ABL2: variants seen among roughly 807,000 people sequenced by gnomAD.
ABL2 encodes tyrosine-protein kinase ABL2.
A neutral mutation model predicts 107.7 loss-of-function variants in ABL2; 49 were observed. That is an observed-to-expected ratio of 0.45 (90% confidence interval 0.36 to 0.58). ABL2 has a LOEUF of 0.58. Ranked by LOEUF, ABL2 falls within the 20% of genes least tolerant of loss-of-function variation. ABL2 has a pLI of 0.00. For missense variants in ABL2, 1,245 were observed against 1,457.0 expected (o/e 0.85, Z 2.37); for synonymous variants, 549 against 548.6 (o/e 1.00, Z -0.01).
intron 1 of ABL2, among the ~76,000 whole-genome samples, chr1:179,201,200 C>T (rs903623560): frequency 6.6e-6 from 1 of 152,164 alleles, no homozygotes; most frequent in Admixed American, 6.5e-5. Context: ...TATGTTAATT[C>T]TTTCTGCACA....
chr1:179,112,849 G>A (rs970070034), intron 9 of ABL2, among the ~76,000 whole-genome samples: 61 of 152,194 alleles, frequency 4.0e-4, no homozygotes, highest in African/African-American at 1.4e-3. Context: ...CTGCCTCCTG[G>A]GTTCAAGTGA....
chr1:179,114,529 TAC>T (rs1491428176), intron 9 of ABL2, among the ~76,000 whole-genome samples: 1 of 75,892 alleles, frequency 1.3e-5, no homozygotes, highest in South Asian at 4.2e-4. Context: ...TCTGTTTATC[TAC>T]ACAGAGGTTA....
At chr1:179,135,126 G>A (rs113192799) in intron 1 of ABL2, among the ~76,000 whole-genome samples, 3,331 of 152,328 alleles carry the variant, frequency 0.022, 66 homozygotes, top group Middle Eastern at 0.054. Flanking sequence ...AAAGTGCCGA[G>A]ATTGCAGCCT....
chr1:179,196,234 CTT>C (rs923279204), intron 1 of ABL2, among the ~76,000 whole-genome samples: 1 of 152,138 alleles, frequency 6.6e-6, no homozygotes, highest in African/African-American at 2.4e-5. Context: ...GGTTTTTTGT[CTT>C]GTTTTTGGAG....
In ABL2 at chr1:179,105,875, TA is replaced by T. The variant is rs1653438546; in HGVS notation, c.*1842del. On this transcript the variant is annotated 3_prime_UTR_variant, in exon 12 of 12. Transcript: ENST00000502732. ...AATATTTTCTACTCAGCAAATAAGA[TA>T]ATGGAAAACAATTCAGCATAACAAC... 4.5e-6 allele frequency: 1 copy of T among 224,692 alleles called. No homozygotes were observed. Among genetic ancestry groups the T allele is most frequent in the Non-Finnish European group, 8.9e-6 (1 of 112,892 alleles). 13.9% of individuals were successfully genotyped at this position (224,692 alleles called of 1,614,324 possible). A position where few individuals can be genotyped will look rare whatever the true frequency, so the allele number is the denominator to read the frequency against.
intron 10 of ABL2, 103 bp from the exon 11 acceptor site, chr1:179,110,558 A>T (rs1428154324): frequency 6.6e-7 from 1 of 1,517,926 alleles, no homozygotes; most frequent in Admixed American, 2.4e-5. Context: ...TGGCAAGTAG[A>T]GTACTAAAAT....
intron 1 of ABL2, among the ~76,000 whole-genome samples, chr1:179,197,637 G>A (rs1278708837): frequency 6.6e-6 from 1 of 151,884 alleles, no homozygotes; most frequent in Non-Finnish European, 1.5e-5. Context: ...GGGAGGCCAA[G>A]GAGGGTGGAT....
intron 1 of ABL2, among the ~76,000 whole-genome samples, chr1:179,226,559 G>A (rs1663224383): frequency 2.6e-5 from 4 of 151,786 alleles, no homozygotes; most frequent in African/African-American, 7.3e-5. Context: ...TGCCCACCTC[G>A]GCCTCCCACA....
intron 1 of ABL2, among the ~76,000 whole-genome samples, chr1:179,205,321 G>A (rs974064808): frequency 5.3e-5 from 8 of 152,070 alleles, no homozygotes; most frequent in Admixed American, 6.6e-5. Context: ...CACTGCGCCC[G>A]GCCCATTACA....
intron 1 of ABL2, among the ~76,000 whole-genome samples, chr1:179,201,163 A>G (rs1661647837): frequency 6.6e-6 from 1 of 152,176 alleles, no homozygotes; most frequent in African/African-American, 2.4e-5. Flanking sequence ...AGACCTCGCT[A>G]AGCATATCAG....
intron 9 of ABL2, among the ~76,000 whole-genome samples, chr1:179,113,523 G>A (rs1374639191): frequency 6.6e-6 from 1 of 152,214 alleles, no homozygotes; most frequent in African/African-American, 2.4e-5. Context: ...ATTAGGACCA[G>A]GCCTGGTGGC....
intron 1 of ABL2, among the ~76,000 whole-genome samples, chr1:179,143,386 AG>A (rs1285326436): frequency 1.3e-5 from 2 of 152,256 alleles, no homozygotes; most frequent in Non-Finnish European, 2.9e-5. Flanking sequence ...TCTATTTTAT[AG>A]GGAGATGATG....
At chr1:179,161,698 G>A (rs1008365292) in intron 1 of ABL2, among the ~76,000 whole-genome samples, 2 of 152,178 alleles carry the variant, frequency 1.3e-5, no homozygotes, top group Admixed American at 6.5e-5. Flanking sequence ...ATGACACAGC[G>A]AGACCCTCTC....
intron 10 of ABL2, chr1:179,110,980 CTTT>C (rs376797144): frequency 0.18 from 103,272 of 589,038 alleles, 145 homozygotes; most frequent in Middle Eastern, 0.27. Flanking sequence ...TTATTTTTGG[CTTT>C]TTTTTTTTTT....
chr1:179,191,997 T>C (rs899812909), intron 1 of ABL2, among the ~76,000 whole-genome samples: 3 of 152,164 alleles, frequency 2.0e-5, no homozygotes, highest in African/African-American at 7.2e-5. Flanking sequence ...GAAAAATACA[T>C]TTAATTGCAA....
chr1:179,186,454 C>A (rs536457832), intron 1 of ABL2, among the ~76,000 whole-genome samples: 1 of 152,000 alleles, frequency 6.6e-6, no homozygotes, highest in Non-Finnish European at 1.5e-5. Flanking sequence ...TCTTGGCTCA[C>A]TGAAATCTCC....
chr1:179,224,148 A>C (rs185780436), intron 1 of ABL2, among the ~76,000 whole-genome samples: 1,727 of 149,918 alleles, frequency 0.012, 30 homozygotes, highest in Middle Eastern at 0.017. Flanking sequence ...AAAAAAAAAA[A>C]AAAAAAAAAA....
chr1:179,225,866 CCT>C (rs1319291907), intron 1 of ABL2, among the ~76,000 whole-genome samples: 1 of 151,652 alleles, frequency 6.6e-6, no homozygotes, highest in African/African-American at 2.4e-5. Context: ...ACGGTGAAAC[CCT>C]GTCTCTACTA....
chr1:179,137,102 A>G (rs1008103319), intron 1 of ABL2, among the ~76,000 whole-genome samples: 4 of 152,148 alleles, frequency 2.6e-5, no homozygotes, highest in Non-Finnish European at 5.9e-5. Context: ...AAAAGTTCTG[A>G]TATCATGGAA....
Sources: allele counts gnomAD v4.1 joint callset (sites outside exome capture counted in the v4.1 genomes callset), GRCh38; gene constraint gnomAD v4.1.1; transcripts MANE v1.5; gene names NCBI Gene and HGNC (gene_info 2026-07-23, HGNC 2026-07-21).